Variants in NEGR1 observed in about 807,000 individuals in gnomAD.
The protein encoded by NEGR1 is neuronal growth regulator 1.
In NEGR1, 10 loss-of-function variants were observed where a neutral mutation model predicts 40.9. The observed-to-expected ratio is 0.24, with a 90% CI of 0.15 to 0.42. NEGR1 has a LOEUF of 0.42. Among genes scored for constraint, NEGR1 ranks in the 10% least tolerant of loss-of-function variants. The pLI, the probability that NEGR1 is intolerant of heterozygous loss-of-function variation, is 1.00. For synonymous variants in NEGR1, 185 were observed against 166.8 expected (o/e 1.11, Z -0.84); for missense variants, 352 against 438.9 (o/e 0.80, Z 1.77).
At chr1:71,582,916 T>C (rs1649184194) in intron 6 of NEGR1, among the ~76,000 whole-genome samples, 1 of 152,134 alleles carries the variant, frequency 6.6e-6, no homozygotes, top group East Asian at 1.9e-4. Context: ...TAAATCAATT[T>C]TGGGTAAGCT....
intron 3 of NEGR1, among the ~76,000 whole-genome samples, chr1:71,766,603 C>T (rs944968403): frequency 7.2e-5 from 11 of 152,320 alleles, no homozygotes; most frequent in African/African-American, 2.6e-4. Context: ...TGGAAATAGA[C>T]ATCAAAATAA....
At chr1:71,836,437 A>T (rs4650124) in intron 2 of NEGR1, among the ~76,000 whole-genome samples, 19 of 146,294 alleles carry the variant, frequency 1.3e-4, no homozygotes, top group Non-Finnish European at 2.2e-4. Flanking sequence ...TCAAAAAAAA[A>T]ACAAAAAAAC....
At chr1:71,916,754 A>G (rs1661597248) in intron 2 of NEGR1, among the ~76,000 whole-genome samples, 1 of 152,148 alleles carries the variant, frequency 6.6e-6, no homozygotes, top group Non-Finnish European at 1.5e-5. Context: ...GAAACTCTGT[A>G]AAAAAGACAA....
chr1:71,822,157 C>A (rs920292748), intron 2 of NEGR1, among the ~76,000 whole-genome samples: 1 of 151,894 alleles, frequency 6.6e-6, no homozygotes, highest in Non-Finnish European at 1.5e-5. Context: ...TGGTCTTCTA[C>A]TTCATGTGGA....
intron 6 of NEGR1, among the ~76,000 whole-genome samples, chr1:71,533,454 C>A (rs1320015549): frequency 6.6e-6 from 1 of 151,630 alleles, no homozygotes; most frequent in Admixed American, 6.6e-5. Context: ...CCAATTATAT[C>A]TGCTTTTATG....
chr1:71,453,731 G>A (rs1305850429), intron 6 of NEGR1, among the ~76,000 whole-genome samples: 1 of 152,142 alleles, frequency 6.6e-6, no homozygotes, highest in Admixed American at 6.5e-5. Flanking sequence ...AGAATTGTTT[G>A]TAACTGGAAA....
chr1:72,198,284 C>G (rs951016945), intron 1 of NEGR1, among the ~76,000 whole-genome samples: 12 of 151,976 alleles, frequency 7.9e-5, no homozygotes, highest in Non-Finnish European at 1.8e-4. Context: ...TACAAGAAGA[C>G]TATATGACTT....
chr1:71,844,229 A>G (rs1417135260), intron 2 of NEGR1, among the ~76,000 whole-genome samples: 4 of 152,214 alleles, frequency 2.6e-5, no homozygotes, highest in Non-Finnish European at 4.4e-5. Flanking sequence ...ATCCCTTAAC[A>G]AAGACATAAT....
chr1:72,071,091 A>C (rs1367917850), intron 1 of NEGR1, among the ~76,000 whole-genome samples: 1 of 152,020 alleles, frequency 6.6e-6, no homozygotes, highest in Admixed American at 6.6e-5. Flanking sequence ...CAATTCTCAA[A>C]GTTCTCATCA....
chr1:71,862,037 G>C (rs2101824008), intron 2 of NEGR1, among the ~76,000 whole-genome samples: 1 of 152,220 alleles, frequency 6.6e-6, no homozygotes, highest in South Asian at 2.1e-4. Context: ...TAATGTGTTA[G>C]AGAATTTGTT....
chr1:72,073,323 T>C (rs1647555161), intron 1 of NEGR1, among the ~76,000 whole-genome samples: 1 of 152,130 alleles, frequency 6.6e-6, no homozygotes, highest in African/African-American at 2.4e-5. Flanking sequence ...TCAGAACTCC[T>C]AGGAGTTAGA....
At chr1:72,096,838 TTTTTG>T (rs1304857771) in intron 1 of NEGR1, among the ~76,000 whole-genome samples, 1 of 151,838 alleles carries the variant, frequency 6.6e-6, no homozygotes, top group African/African-American at 2.4e-5. Context: ...TTTTTTGTAT[TTTTTG>T]TTTTGTTTTG....
intron 6 of NEGR1, among the ~76,000 whole-genome samples, chr1:71,416,363 T>C (rs2101270503): frequency 6.6e-6 from 1 of 152,296 alleles, no homozygotes; most frequent in African/African-American, 2.4e-5. Context: ...TAGCTTATTT[T>C]CTGGAGTCTG....
chr1:72,026,545 A>C (rs1293671169), intron 1 of NEGR1, among the ~76,000 whole-genome samples: 1 of 151,910 alleles, frequency 6.6e-6, no homozygotes, highest in Non-Finnish European at 1.5e-5. Context: ...TTAAAACAAC[A>C]ACAACAAAAA....
At chr1:71,570,668 A>ATTATTC (rs71095949) in intron 6 of NEGR1, among the ~76,000 whole-genome samples, 7 of 151,146 alleles carry the variant, frequency 4.6e-5, no homozygotes, top group African/African-American at 1.7e-4. Context: ...TATTATTATT[A>ATTATTC]CTTTCTAAGA....
At chr1:72,180,320 G>A (rs1024518297) in intron 1 of NEGR1, among the ~76,000 whole-genome samples, 3 of 151,540 alleles carry the variant, frequency 2.0e-5, no homozygotes, top group East Asian at 1.9e-4. Context: ...AATTCAAAAC[G>A]GATAAAAGAC....
chr1:71,573,559 A>T (rs901139355), intron 6 of NEGR1: 1 of 152,210 alleles, frequency 6.6e-6, no homozygotes, highest in Non-Finnish European at 1.5e-5. Context: ...TAATAAAATG[A>T]CTTCTGACTT....
At chr1:71,793,473 A>G (rs2101738333) in intron 2 of NEGR1, among the ~76,000 whole-genome samples, 1 of 150,874 alleles carries the variant, frequency 6.6e-6, no homozygotes, top group Non-Finnish European at 1.5e-5. Flanking sequence ...ATATCTACCA[A>G]TATTTAAAGA....
intron 3 of NEGR1, among the ~76,000 whole-genome samples, chr1:71,720,899 T>G (rs190160458): frequency 6.6e-6 from 1 of 152,270 alleles, no homozygotes; most frequent in Non-Finnish European, 1.5e-5. Context: ...AGTTAAAAAC[T>G]ATTACCTTTA....
Sources: gnomAD v4.1 joint callset for allele counts (sites outside exome capture counted in the v4.1 genomes callset) on GRCh38, gnomAD v4.1.1 for gene constraint, MANE v1.5 for transcripts, NCBI Gene and HGNC (gene_info 2026-07-23, HGNC 2026-07-21) for gene names.